Variants in ZNF26 observed in about 807,000 individuals in gnomAD.
The protein encoded by ZNF26 is epididymis luminal protein 179.
ZNF26 carries 32 observed loss-of-function variants against 54.9 expected under a neutral mutation model. The observed-to-expected ratio is 0.58, with a 90% confidence interval of 0.44 to 0.78. The LOEUF (loss-of-function observed/expected upper bound fraction) is 0.78, where lower values mean the gene tolerates loss of function less well. Among genes scored for constraint, ZNF26 ranks in the 30% least tolerant of loss-of-function variants. The pLI is 0.00. For missense variants in ZNF26, 524 were observed against 634.0 expected, an observed-to-expected ratio of 0.83 and a Z score of 1.86; for synonymous variants, 221 against 209.2, an observed-to-expected ratio of 1.06 and a Z score of -0.49.
intron 1 of ZNF26, among the ~76,000 whole-genome samples, chr12:132,992,629 G>A (rs1952987878): frequency 6.6e-6 from 1 of 152,138 alleles, no homozygotes; most frequent in African/African-American, 2.4e-5. Flanking sequence ...TGTCAGAAGT[G>A]CATTTTCGAC....
At chr12:133,000,064 A>AT (rs1593650796) in intron 1 of ZNF26, among the ~76,000 whole-genome samples, 2 of 151,890 alleles carry the variant, frequency 1.3e-5, no homozygotes, top group South Asian at 2.1e-4. Context: ...GCATGGTGTG[A>AT]TTTTTTGCAG....
chr12:133,026,735 T>G lies in ZNF26; in HGVS notation c.*15254T>G, dbSNP rs953565102. On this transcript the variant is annotated 3_prime_UTR_variant, in exon 4 of 4. Coordinates refer to ENST00000328654, the MANE Select transcript of ZNF26 (RefSeq NM_019591.4). Reference sequence around the variant, plus strand: ...AGAGGTGGGGTTTCACCATGTTGACTAGGCTGGTCTCGAACTCCTGACCTC... The same window carrying G: ...AGAGGTGGGGTTTCACCATGTTGACGAGGCTGGTCTCGAACTCCTGACCTC... 5 of 150,868 alleles carry G rather than the reference T, an allele frequency of 3.3e-5. No homozygotes were observed. Among genetic ancestry groups the G allele is most frequent in the African/African-American group, 1.2e-4 (5 of 41,040 alleles). The allele number at this position is 150,868 out of a possible 1,614,324, so 9.3% of individuals were successfully genotyped here.
At position 133,015,895 on chromosome 12, in the gene ZNF26, A is replaced by G. The variant is rs1039644360; in HGVS notation, c.*4414A>G. 6.6e-6 allele frequency: 1 copy of G among 152,122 alleles called. No homozygotes were observed. The highest frequency in any genetic ancestry group is 1.5e-5 in the Non-Finnish European group (1 of 68,018). The allele number at this position is 152,122 out of a possible 1,614,324, so 9.4% of individuals were successfully genotyped here. Reference sequence around the variant, plus strand: ...ACGTTTATTTAGAAATTCATGCTGCATGTTTATTGATGGAATGTTTGTGTG... The same window carrying G: ...ACGTTTATTTAGAAATTCATGCTGCGTGTTTATTGATGGAATGTTTGTGTG... On this transcript the variant is annotated 3_prime_UTR_variant, in exon 4 of 4. Coordinates refer to ENST00000328654, the MANE Select transcript of ZNF26 (RefSeq NM_019591.4).
rs1046579380 is a variant in ZNF26, at chr12:132,989,534, G to A, written c.33+2661G>A. On this transcript the variant is annotated intron_variant, in intron 1 of 3. Transcript: ENST00000328654. ...AAGATATCTTGGGGATGGGACCCAA[G>A]TCTAAACACAGAATTTGTTTATGTT... is the stretch of plus-strand genomic sequence containing the variant. Among the ~76,000 whole-genome samples, 496 of 152,308 alleles carry A rather than the reference G, an allele frequency of 3.3e-3. 3 individuals are homozygous for A. Among genetic ancestry groups the A allele is most frequent in the African/African-American group, 0.011 (470 of 41,564 alleles).
chr12:133,007,435 AG>A lies in ZNF26; in HGVS notation c.162del. On this transcript the variant is annotated splice_acceptor_variant, in intron 2 of 3. Transcript: ENST00000328654. LOFTEE classifies it high-confidence loss of function. The stretch of plus-strand genomic sequence containing the variant: ...CCACCCTTTGTGATTTCCCATCAAC[AG>A]GGTATCATGGTACCAAGCCTGACTT... The A allele has an allele frequency of 6.2e-7, 1 of 1,611,338 alleles. No homozygotes were observed. The highest frequency in any genetic ancestry group is 8.5e-7 in the Non-Finnish European group (1 of 1,178,328).
chr12:132,992,985 G>T (rs1593636842), intron 1 of ZNF26, among the ~76,000 whole-genome samples: 5 of 150,130 alleles, frequency 3.3e-5, no homozygotes. Flanking sequence ...CCCATCAAAG[G>T]CATTCTTCAC....
intron 1 of ZNF26, among the ~76,000 whole-genome samples, chr12:132,994,905 G>A (rs1011858979): frequency 5.3e-5 from 8 of 152,028 alleles, no homozygotes; most frequent in South Asian, 2.1e-4. Context: ...TCCTGGCCCC[G>A]ACTTATGTAG....
intron 2 of ZNF26, 31 bp from the exon 3 acceptor site, chr12:133,007,406 G>T: frequency 6.3e-7 from 1 of 1,579,240 alleles, no homozygotes. Flanking sequence ...TAACAGCCTG[G>T]TCCCCACCCT....
intron 1 of ZNF26, among the ~76,000 whole-genome samples, chr12:132,994,532 A>G (rs1953031270): frequency 6.6e-6 from 1 of 152,280 alleles, no homozygotes; most frequent in African/African-American, 2.4e-5. Flanking sequence ...GGAGGTAATC[A>G]GTTTGATAGA....
Position 132,990,432 on chromosome 12 carries a change from C to T in ZNF26, c.33+3559C>T, listed in dbSNP as rs987057913. Reference sequence around the variant, plus strand: ...GCTGTGGTGTACACTTGTTTTTATACATTGTTGTATTTTATTTTCTAGTAT... The same window carrying T: ...GCTGTGGTGTACACTTGTTTTTATATATTGTTGTATTTTATTTTCTAGTAT... On this transcript the variant is annotated intron_variant, in intron 1 of 3. Transcript: ENST00000328654. Among the ~76,000 whole-genome samples, 12 of 152,212 alleles carry T rather than the reference C, an allele frequency of 7.9e-5. No individual in the cohort carries two copies. In the South Asian group the frequency reaches 1.5e-3, roughly 18 times the overall value.
Position 133,021,781 on chromosome 12 carries a change from GA to G in ZNF26, c.*10305del, listed in dbSNP as rs76644029. 139,635 of 151,820 alleles carry G rather than the reference GA, an allele frequency of 0.92. 64,551 individuals carry two copies. Among genetic ancestry groups the G allele is most frequent in the East Asian group, 1 (5,030 of 5,040 alleles). The allele number at this position is 151,820 out of a possible 1,614,324, so 9.4% of individuals were successfully genotyped here. ...AACTGTCTCAGAAAAAAGAAAGAAAGAAAAACGTTTATTTGTAGAGAAAGCT... is the reference window on the plus strand; with the variant it reads ...AACTGTCTCAGAAAAAAGAAAGAAAGAAAACGTTTATTTGTAGAGAAAGCT... On this transcript the variant is annotated 3_prime_UTR_variant, in exon 4 of 4. Transcript: ENST00000328654.
intron 1 of ZNF26, chr12:133,004,469 ATGT>A (rs1290280293): frequency 1.3e-5 from 2 of 152,028 alleles, no homozygotes; most frequent in Non-Finnish European, 2.9e-5. Context: ...CTGTGTCTTA[ATGT>A]TGTCTCTATA....
At chr12:132,999,152 T>G (rs1953155228) in intron 1 of ZNF26, among the ~76,000 whole-genome samples, 1 of 152,156 alleles carries the variant, frequency 6.6e-6, no homozygotes, top group East Asian at 1.9e-4. Context: ...AGTTCCAGAG[T>G]CAGTGGAACA....
At chr12:132,992,276 A>C (rs1173382024) in intron 1 of ZNF26, among the ~76,000 whole-genome samples, 1 of 152,062 alleles carries the variant, frequency 6.6e-6, no homozygotes, top group Non-Finnish European at 1.5e-5. Context: ...TTACTTTTGA[A>C]GGATAATTTT....
Position 133,025,742 on chromosome 12 carries a change from G to A in ZNF26, c.*14261G>A, listed in dbSNP as rs1953694999. The A allele has an allele frequency of 6.6e-6, 1 of 152,166 alleles. No homozygotes were observed. Among genetic ancestry groups the A allele is most frequent in the South Asian group, 2.1e-4 (1 of 4,828 alleles). 9.4% of individuals were successfully genotyped at this position (152,166 alleles called of 1,614,324 possible). A position where few individuals can be genotyped will look rare whatever the true frequency, so the allele number is the denominator to read the frequency against. ...AAATTGCTTGAGCCCAGGAGTTTGAGACCAGCCTGGGAAACACAGTGAGAC... is the reference window on the plus strand; with the variant it reads ...AAATTGCTTGAGCCCAGGAGTTTGAAACCAGCCTGGGAAACACAGTGAGAC... On this transcript the variant is annotated 3_prime_UTR_variant, in exon 4 of 4. Coordinates refer to ENST00000328654, the MANE Select transcript of ZNF26 (RefSeq NM_019591.4).
chr12:132,986,401 C>T lies in ZNF26; in HGVS notation c.-440C>T, dbSNP rs1952817910. On this transcript the variant is annotated 5_prime_UTR_variant, in exon 1 of 4. Coordinates refer to ENST00000328654, the MANE Select transcript of ZNF26 (RefSeq NM_019591.4). ...CTTAGTCGGGTGCGCGCGTGCAGGG[C>T]TGTTTCCGGCTTAGACTCAGTGGAC... The T allele has an allele frequency of 5.9e-6, 1 of 170,358 alleles. No individual in the cohort carries two copies. Among genetic ancestry groups the T allele is most frequent in the African/African-American group, 2.4e-5 (1 of 42,202 alleles). The allele number at this position is 170,358 out of a possible 1,614,324, so 10.6% of individuals were successfully genotyped here. A position where few individuals can be genotyped will look rare whatever the true frequency, so the allele number is the denominator to read the frequency against.
At position 133,010,664 on chromosome 12, in the gene ZNF26, A is replaced by T; in HGVS notation, c.785A>T (p.Glu262Val). ...GGAGGGAAACCCTATGGCTGCAGTG[A>T]ATGTGGGAAAGCCTACAGTTGGAAA... ...HTGGKPYGCSECGKAYSWKSQ... is the reference protein window; with the variant it reads ...HTGGKPYGCSVCGKAYSWKSQ... Residue 262 changes from glutamate (E) to valine (V), a missense_variant, in exon 4 of 4, where the codon GAA becomes GTA. By Grantham distance (121) the Glu-to-Val change is moderately radical. Transcript: ENST00000328654. 6.2e-7 allele frequency: 1 copy of T among 1,614,196 alleles called. No homozygotes were observed. The highest frequency in any genetic ancestry group is 8.5e-7 in the Non-Finnish European group (1 of 1,180,048).
chr12:132,989,427 G>A lies in ZNF26; in HGVS notation c.33+2554G>A, dbSNP rs983260632. On this transcript the variant is annotated intron_variant, in intron 1 of 3. Transcript: ENST00000328654. ...AGTCATTATACATTTTACAGGTTAA[G>A]TATCTTTTATTCAAAATGCTTAAGA... 1.4e-4 allele frequency among the ~76,000 whole-genome samples: 21 copies of A among 152,250 alleles called. No individual in the cohort carries two copies. The East Asian group carries it at 3.9e-3, about 28-fold the overall frequency.
intron 1 of ZNF26, 135 bp downstream of exon 1, chr12:132,987,008 C>A: frequency 9.9e-7 from 1 of 1,012,052 alleles, no homozygotes; most frequent in Non-Finnish European, 1.5e-6. Flanking sequence ...CTACCCTCCC[C>A]ACCAAACCAA....
Sources: gnomAD v4.1 joint callset for allele counts (sites outside exome capture counted in the v4.1 genomes callset) on GRCh38, gnomAD v4.1.1 for gene constraint, MANE v1.5 for transcripts, NCBI Gene and HGNC (gene_info 2026-07-23, HGNC 2026-07-21) for gene names.